EDNRB: variants seen among roughly 807,000 people sequenced by gnomAD.
The protein encoded by EDNRB is endothelin receptor type B, also known as Hirschsprung disease 2.
EDNRB carries 18 observed loss-of-function variants against 46.4 expected under a neutral mutation model. The observed-to-expected ratio is 0.39, with a 90% CI of 0.27 to 0.57. The LOEUF (loss-of-function observed/expected upper bound fraction) is 0.57, where lower values mean the gene tolerates loss of function less well. Among genes scored for constraint, EDNRB ranks in the 20% least tolerant of loss-of-function variants. EDNRB has a pLI of 0.61. For synonymous variants in EDNRB, 213 were observed against 204.9 expected (o/e 1.04, Z -0.34); for missense variants, 434 against 537.5 (o/e 0.81, Z 1.90).
rs1878711763 is a variant in EDNRB, at chr13:77,897,798, C to T, written c.*402G>A. 1 of 990,294 alleles carries T rather than the reference C, an allele frequency of 1.0e-6. No homozygotes were observed. Among genetic ancestry groups the T allele is most frequent in the East Asian group, 1.1e-4 (1 of 9,092 alleles). 61.3% of individuals were successfully genotyped at this position (990,294 alleles called of 1,614,324 possible). On this transcript the variant is annotated 3_prime_UTR_variant, in exon 7 of 7. Transcript: ENST00000646607. ...GTAATTTAAGCTTCATTTAAAAGTT[C>T]TGTTTTACAGTGACTTATTCTTCCT...
At position 77,954,478 on chromosome 13, in the gene EDNRB, GTATTTATTTATTTATT is replaced by G. The variant is rs3039607; in HGVS notation, c.-52+20853_-52+20868del. Among the ~76,000 whole-genome samples, 776 of 140,522 alleles carry G rather than the reference GTATTTATTTATTTATT, an allele frequency of 5.5e-3. 4 individuals are homozygous for G. Among genetic ancestry groups the G allele is most frequent in the East Asian group, 0.023 (110 of 4,854 alleles). The allele number at this position is 140,522 out of a possible 152,430, so 92.2% of individuals were successfully genotyped here. A position where few individuals can be genotyped will look rare whatever the true frequency, so the allele number is the denominator to read the frequency against. On this transcript the variant is annotated intron_variant, in intron 1 of 7. Transcript: ENST00000646948. ...AGGCAGGATTTTCTTTTTTAAGAAAGTATTTATTTATTTATTTATTTATTTATTTATTTATTTATTT... is the reference window on the plus strand; with the variant it reads ...AGGCAGGATTTTCTTTTTTAAGAAAGTATTTATTTATTTATTTATTTATTT...
chr13:77,897,259 G>A lies in EDNRB; in HGVS notation c.*941C>T. The A allele has an allele frequency of 1.0e-6, 1 of 985,192 alleles. No individual in the cohort carries two copies. Among genetic ancestry groups the A allele is most frequent in the Non-Finnish European group, 1.2e-6 (1 of 829,860 alleles). 61.0% of individuals were successfully genotyped at this position (985,192 alleles called of 1,614,324 possible). A position where few individuals can be genotyped will look rare whatever the true frequency, so the allele number is the denominator to read the frequency against. Reference sequence around the variant, plus strand: ...ATCTACATGCAGTGTATGTAGGTAAGTATTTACAGATGACAAAACCAAACA... The same window carrying A: ...ATCTACATGCAGTGTATGTAGGTAAATATTTACAGATGACAAAACCAAACA... On this transcript the variant is annotated 3_prime_UTR_variant, in exon 7 of 7. Transcript: ENST00000646607.
chr13:77,914,266 C>G (rs544266090), intron 1 of EDNRB, among the ~76,000 whole-genome samples: 38 of 152,212 alleles, frequency 2.5e-4, no homozygotes, highest in African/African-American at 8.7e-4. Context: ...ACGACAAAAG[C>G]TGGAAAACAA....
At chr13:77,950,193 G>A (rs766923286) in intron 1 of EDNRB, among the ~76,000 whole-genome samples, 10 of 152,174 alleles carry the variant, frequency 6.6e-5, no homozygotes, top group Non-Finnish European at 1.3e-4. Context: ...CGGGTCTTCA[G>A]AGAAATGACC....
chr13:77,967,382 T>A (rs2137691780), intron 1 of EDNRB, among the ~76,000 whole-genome samples: 1 of 152,302 alleles, frequency 6.6e-6, no homozygotes, highest in East Asian at 1.9e-4. Context: ...AGCACCATCA[T>A]CCTTCTTTCT....
upstream of EDNRB, chr13:77,919,371 A>G (rs201390109): frequency 4.4e-4 from 699 of 1,600,010 alleles, 4 homozygotes; most frequent in Middle Eastern, 8.3e-4. Flanking sequence ...AATGATTTTA[A>G]TTCAACACCA....
chr13:77,900,371 C>T (rs2137604384), intron 5 of EDNRB, 150 bp downstream of exon 5: 2 of 1,090,424 alleles, frequency 1.8e-6, no homozygotes, highest in East Asian at 2.5e-5. Flanking sequence ...CTGTCCCTCT[C>T]AACAGGACCT....
intron 1 of EDNRB, among the ~76,000 whole-genome samples, chr13:77,936,001 A>T (rs985889420): frequency 1.3e-5 from 2 of 152,230 alleles, no homozygotes; most frequent in Admixed American, 6.5e-5. Flanking sequence ...TATAGGCTTT[A>T]AAAGGCCATG....
chr13:77,950,503 C>T (rs945283394), intron 1 of EDNRB, among the ~76,000 whole-genome samples: 9 of 152,246 alleles, frequency 5.9e-5, no homozygotes, highest in African/African-American at 2.2e-4. Flanking sequence ...GGAGGCTCTG[C>T]TCCACCCAAA....
At chr13:77,901,875 T>C (rs1273398220) in intron 3 of EDNRB, among the ~76,000 whole-genome samples, 1 of 152,016 alleles carries the variant, frequency 6.6e-6, no homozygotes, top group African/African-American at 2.4e-5. Context: ...CATTATGTCC[T>C]TGATTCTTTT....
rs1277335528 is a variant in EDNRB at position 77,901,252 on chromosome 13, A to G, written c.802-45T>C. ...TTTACGATTAATACTCCTCTGTAAG[A>G]AAATCTTATATAACAAATGTTAAAC... On this transcript the variant is annotated intron_variant, in intron 3 of 6. Transcript: ENST00000646607. 2.5e-6 allele frequency: 4 copies of G among 1,591,516 alleles called. No individual in the cohort carries two copies. The Admixed American group carries it at 5.0e-5, about 20-fold the overall frequency.
intron 1 of EDNRB, among the ~76,000 whole-genome samples, chr13:77,958,709 C>A (rs559128744): frequency 5.8e-4 from 88 of 152,268 alleles, no homozygotes; most frequent in Admixed American, 1.2e-3. Context: ...GCATTGAGAA[C>A]CTTTGCTTTA....
At chr13:77,929,094 T>A (rs569443968) in intron 1 of EDNRB, among the ~76,000 whole-genome samples, 1 of 152,316 alleles carries the variant, frequency 6.6e-6, no homozygotes, top group Non-Finnish European at 1.5e-5. Context: ...CCTGTACTTG[T>A]CACTCTGCTG....
At chr13:77,898,953 A>C (rs1035922013) in intron 6 of EDNRB, among the ~76,000 whole-genome samples, 5 of 151,910 alleles carry the variant, frequency 3.3e-5, no homozygotes, top group African/African-American at 1.2e-4. Context: ...TTGGTAAACA[A>C]TAAGGTTATA....
chr13:77,955,324 T>C (rs538504385), intron 1 of EDNRB, among the ~76,000 whole-genome samples: 10 of 152,318 alleles, frequency 6.6e-5, no homozygotes, highest in African/African-American at 2.4e-4. Flanking sequence ...AATTGTTCAT[T>C]TTCTTGCTAT....
chr13:77,971,962 C>G (rs530681934), intron 1 of EDNRB, among the ~76,000 whole-genome samples: 2 of 152,286 alleles, frequency 1.3e-5, no homozygotes, highest in African/African-American at 2.4e-5. Flanking sequence ...TGGGGATGAA[C>G]AAGGGCTGAC....
At chr13:77,967,691 A>G (rs927485494) in intron 1 of EDNRB, among the ~76,000 whole-genome samples, 1 of 152,208 alleles carries the variant, frequency 6.6e-6, no homozygotes, top group African/African-American at 2.4e-5. Flanking sequence ...TAAAATGTGT[A>G]TTTTAAATTA....
intron 1 of EDNRB, among the ~76,000 whole-genome samples, chr13:77,933,414 G>A (rs1024414001): frequency 4.6e-5 from 7 of 152,190 alleles, no homozygotes; most frequent in Non-Finnish European, 8.8e-5. Context: ...TGGCGGGCAG[G>A]AGTAGGGGTC....
At chr13:77,898,649 T>A (rs967195307) in intron 6 of EDNRB, among the ~76,000 whole-genome samples, 3 of 151,976 alleles carry the variant, frequency 2.0e-5, no homozygotes, top group African/African-American at 2.4e-5. Flanking sequence ...CTTTTCCCCA[T>A]GAAAACAGAA....
Sources: allele counts gnomAD v4.1 joint callset (sites outside exome capture counted in the v4.1 genomes callset), GRCh38; gene constraint gnomAD v4.1.1; transcripts MANE v1.5; gene names NCBI Gene and HGNC (gene_info 2026-07-23, HGNC 2026-07-21).